The following SLC30A8 variants were observed in gnomAD, a reference collection of about 807,000 sequenced individuals.
SLC30A8 encodes solute carrier family 30 member 8.
Under a neutral mutation model 36.9 loss-of-function variants are expected in SLC30A8, and 27 were observed. The ratio of observed to expected loss-of-function variants is 0.73; its 90% CI spans 0.54 to 1.01. The LOEUF is 1.01. Ranked by LOEUF, SLC30A8 falls within the 50% of genes least tolerant of loss-of-function variation. The probability of loss-of-function intolerance (pLI) is 0.00; values close to 1 mark genes in which losing one functional copy is unlikely to be tolerated. For synonymous variants in SLC30A8, 164 were observed against 172.4 expected, an observed-to-expected ratio of 0.95 and a Z score of 0.38; for missense variants, 439 against 452.0, an observed-to-expected ratio of 0.97 and a Z score of 0.26.
chr8:117,124,640 T>G (rs554239480), intron 2 of SLC30A8, among the ~76,000 whole-genome samples: 1 of 142,020 alleles, frequency 7.0e-6, no homozygotes, highest in South Asian at 2.2e-4. Flanking sequence ...AGTCCTCCCT[T>G]GTATCCAGAA....
intron 2 of SLC30A8, among the ~76,000 whole-genome samples, chr8:117,092,763 A>C (rs958117231): frequency 1.3e-5 from 2 of 152,136 alleles, no homozygotes; most frequent in Middle Eastern, 3.2e-3. Flanking sequence ...TGTTCCAGGG[A>C]GACACTGAGA....
Position 117,153,002 on chromosome 8 carries a change from C to T in SLC30A8, c.330C>T (p.Asp110=), listed in dbSNP as rs1225589789. ...VVTDAAHLLI[D]LTSFLLSLFS... ...CAGATGCTGCCCACCTCTTAATTGA[C>T]CTGACCAGTTTCCTGCTCAGTCTCT... The change falls in exon 3 of 8, where the codon GAC becomes GAT. Residue 110 remains aspartate (D), a synonymous_variant. Transcript: ENST00000456015. The T allele has an allele frequency of 2.5e-6, 4 of 1,613,584 alleles. No individual in the cohort carries two copies. In the South Asian group the frequency reaches 3.3e-5, roughly 13 times the overall value.
intron 2 of SLC30A8, among the ~76,000 whole-genome samples, chr8:117,056,494 G>C (rs1448055179): frequency 6.6e-6 from 1 of 151,984 alleles, no homozygotes; most frequent in Non-Finnish European, 1.5e-5. Flanking sequence ...CAAAAGGCTG[G>C]GTAGGTCCCA....
intron 1 of SLC30A8, among the ~76,000 whole-genome samples, chr8:117,012,189 G>A (rs192610802): frequency 7.8e-4 from 119 of 152,170 alleles, no homozygotes; most frequent in South Asian, 1.9e-3. Context: ...AAAATTTGAA[G>A]AGTATATACA....
At chr8:117,044,701 A>T (rs888326172) in intron 2 of SLC30A8, among the ~76,000 whole-genome samples, 14 of 152,228 alleles carry the variant, frequency 9.2e-5, no homozygotes, top group Non-Finnish European at 1.9e-4. Flanking sequence ...TTTTTAGCAG[A>T]GCTTGAACAA....
At position 117,076,916 on chromosome 8, in the gene SLC30A8, G is replaced by A. The variant is rs554429870; in HGVS notation, c.-226+37658G>A. 7.2e-5 allele frequency among the ~76,000 whole-genome samples: 11 copies of A among 152,246 alleles called. No individual in the cohort carries two copies. The Middle Eastern group carries it at 0.014, about 188-fold the overall frequency. On this transcript the variant is annotated intron_variant, in intron 2 of 10. Coordinates refer to the SLC30A8 transcript ENST00000427715. ...TCTTGATGTTTGCAAAATGTCTTCC[G>A]AAGGGATATTTCAGCATTAAAAGAA... is the stretch of plus-strand genomic sequence containing the variant.
chr8:117,073,503 G>A (rs190380392), intron 2 of SLC30A8, among the ~76,000 whole-genome samples: 10 of 152,170 alleles, frequency 6.6e-5, no homozygotes, highest in African/African-American at 2.4e-4. Context: ...GAAGTGATCT[G>A]CCCCACTTGG....
chr8:117,167,556 G>T (rs539147813), intron 6 of SLC30A8, among the ~76,000 whole-genome samples: 6 of 151,360 alleles, frequency 4.0e-5, no homozygotes, highest in African/African-American at 1.5e-4. Context: ...TTATAAAAAT[G>T]GGATTACATA....
chr8:117,168,397 A>G (rs1267016731), intron 6 of SLC30A8, among the ~76,000 whole-genome samples: 1 of 152,192 alleles, frequency 6.6e-6, no homozygotes, highest in African/African-American at 2.4e-5. Flanking sequence ...TTATTTAATT[A>G]TGAATGATCA....
intron 2 of SLC30A8, among the ~76,000 whole-genome samples, chr8:117,084,132 G>A (rs984648374): frequency 6.6e-6 from 1 of 152,132 alleles, no homozygotes; most frequent in African/African-American, 2.4e-5. Context: ...GGCCAATGAA[G>A]TACAACAAGG....
At chr8:117,156,875 A>G (rs975461378) in intron 3 of SLC30A8, among the ~76,000 whole-genome samples, 1 of 152,194 alleles carries the variant, frequency 6.6e-6, no homozygotes, top group African/African-American at 2.4e-5. Context: ...CTTTAAAAGG[A>G]ACTAATCTCT....
chr8:117,115,889 G>A (rs1304091132), intron 2 of SLC30A8, among the ~76,000 whole-genome samples: 5 of 152,074 alleles, frequency 3.3e-5, no homozygotes, highest in Non-Finnish European at 5.9e-5. Flanking sequence ...TTGAGGGTGG[G>A]CTAACAGGAG....
At chr8:117,060,088 A>T (rs1268982133) in intron 2 of SLC30A8, among the ~76,000 whole-genome samples, 2 of 152,130 alleles carry the variant, frequency 1.3e-5, no homozygotes, top group Non-Finnish European at 2.9e-5. Flanking sequence ...CTGGTTTGGG[A>T]TGGAGATAAT....
At chr8:117,018,864 T>G (rs919573727) in intron 1 of SLC30A8, among the ~76,000 whole-genome samples, 5 of 152,134 alleles carry the variant, frequency 3.3e-5, no homozygotes, top group African/African-American at 9.7e-5. Context: ...TTTTTCACCA[T>G]GTTGGCCAGG....
intron 1 of SLC30A8, among the ~76,000 whole-genome samples, chr8:117,025,075 A>C (rs1403163896): frequency 3.3e-5 from 5 of 152,228 alleles, no homozygotes; most frequent in African/African-American, 4.8e-5. Flanking sequence ...TCTGTCACTT[A>C]GTTTAAGCAG....
At chr8:117,032,169 C>A (rs1042465281) in intron 1 of SLC30A8, among the ~76,000 whole-genome samples, 1 of 148,016 alleles carries the variant, frequency 6.8e-6, no homozygotes, top group Non-Finnish European at 1.5e-5. Flanking sequence ...TTTTTTTTTT[C>A]AGCTTCTCAG....
At chr8:116,967,772 CA>C (rs1283090747) in intron 1 of SLC30A8, among the ~76,000 whole-genome samples, 1 of 152,100 alleles carries the variant, frequency 6.6e-6, no homozygotes, top group Admixed American at 6.5e-5. Flanking sequence ...ATACATGAAA[CA>C]AAATACTGTG....
intron 2 of SLC30A8, among the ~76,000 whole-genome samples, chr8:117,123,741 C>G (rs1156333342): frequency 3.3e-5 from 5 of 152,062 alleles, no homozygotes; most frequent in Admixed American, 3.3e-4. Context: ...AATTTTATAA[C>G]ACAATATGTC....
intron 1 of SLC30A8, among the ~76,000 whole-genome samples, chr8:116,960,465 T>C (rs1373745111): frequency 6.6e-6 from 1 of 152,218 alleles, no homozygotes; most frequent in Non-Finnish European, 1.5e-5. Flanking sequence ...TGAAAAAGCA[T>C]GTAACTTGTC....
Sources: gnomAD v4.1 joint callset for allele counts (sites outside exome capture counted in the v4.1 genomes callset) on GRCh38, gnomAD v4.1.1 for gene constraint, MANE v1.5 for transcripts, NCBI Gene and HGNC (gene_info 2026-07-23, HGNC 2026-07-21) for gene names.